CCNH: variants seen among roughly 807,000 people sequenced by gnomAD.
CCNH encodes cyclin H, also known as cyclin-H.
CCNH carries 31 observed loss-of-function variants against 41.9 expected under a neutral mutation model. The observed-to-expected ratio is 0.74, with a 90% CI of 0.56 to 1.00. The LOEUF (loss-of-function observed/expected upper bound fraction) is 1.00. Among genes scored for constraint, CCNH ranks in the 50% least tolerant of loss-of-function variants. The pLI, the probability that CCNH is intolerant of heterozygous loss-of-function variation, is 0.00. For missense variants in CCNH, 362 were observed against 388.4 expected (o/e 0.93, Z 0.57); for synonymous variants, 138 against 136.1 (o/e 1.01, Z -0.10).
intron 9 of CCNH, among the ~76,000 whole-genome samples, chr5:87,385,045 A>C (rs904413888): frequency 2.6e-5 from 4 of 152,058 alleles, no homozygotes; most frequent in African/African-American, 9.7e-5. Context: ...GAAACTGCTG[A>C]GTTTTGTAGT....
At chr5:87,345,345 T>C (rs2112410943) in intron 9 of CCNH, among the ~76,000 whole-genome samples, 1 of 152,320 alleles carries the variant, frequency 6.6e-6, no homozygotes, top group South Asian at 2.1e-4. Context: ...CTATCACTTT[T>C]TTACCCTTCT....
At chr5:87,399,956 G>C (rs1042435533) in intron 6 of CCNH, among the ~76,000 whole-genome samples, 3 of 152,194 alleles carry the variant, frequency 2.0e-5, no homozygotes, top group Admixed American at 6.5e-5. Flanking sequence ...ATGCAATAAA[G>C]GGAGGATGCT....
chr5:87,349,156 A>T lies in CCNH; in HGVS notation c.*91-30259T>A, dbSNP rs545247371. 491 of 1,578,360 alleles carry T rather than the reference A, an allele frequency of 3.1e-4. 3 individuals are homozygous for T. In the South Asian group the frequency reaches 5.1e-3, roughly 16 times the overall value. ...AATGCACTTTGTAATAATACTACTT[A>T]ACATCTTTTCTTTTTTATTTGATAA... On this transcript the variant is annotated intron_variant and NMD_transcript_variant, in intron 9 of 9. Coordinates refer to the CCNH transcript ENST00000645953.
chr5:87,316,846 T>G (rs1242856081), downstream of CCNH, among the ~76,000 whole-genome samples: 1 of 152,160 alleles, frequency 6.6e-6, no homozygotes, highest in East Asian at 1.9e-4. Flanking sequence ...AATCTGAGTT[T>G]ATGGGAAAAG....
chr5:87,330,519 A>G (rs990886050), intron 9 of CCNH, among the ~76,000 whole-genome samples: 3 of 152,190 alleles, frequency 2.0e-5, no homozygotes, highest in Admixed American at 1.3e-4. Flanking sequence ...TTTTATAGCA[A>G]TTACTTTGGA....
chr5:87,335,459 CTT>C (rs1390451382), intron 9 of CCNH, among the ~76,000 whole-genome samples: 28 of 102,830 alleles, frequency 2.7e-4, no homozygotes, highest in African/African-American at 1.0e-3. Context: ...CAGTTTCGCT[CTT>C]GTCACCCAGG....
At chr5:87,375,234 CTT>C (rs1761242271), downstream of CCNH, among the ~76,000 whole-genome samples, 1 of 151,904 alleles carries the variant, frequency 6.6e-6, no homozygotes, top group Non-Finnish European at 1.5e-5. Flanking sequence ...GCCCTCATCC[CTT>C]CTTTCTACTT....
At chr5:87,411,870 G>A (rs992315636) in intron 1 of CCNH, among the ~76,000 whole-genome samples, 2 of 152,148 alleles carry the variant, frequency 1.3e-5, no homozygotes, top group Non-Finnish European at 2.9e-5. Context: ...TGAATTAAAG[G>A]TAGAAAGTAA....
intron 9 of CCNH, among the ~76,000 whole-genome samples, chr5:87,385,578 C>A (rs960790729): frequency 6.6e-6 from 1 of 151,990 alleles, no homozygotes; most frequent in African/African-American, 2.4e-5. Flanking sequence ...CTTTAAAAAA[C>A]ACAAATTTAG....
intron 9 of CCNH, among the ~76,000 whole-genome samples, chr5:87,368,358 CATTTTA>C (rs1760681175): frequency 6.6e-6 from 1 of 151,968 alleles, no homozygotes. Flanking sequence ...TTTTCTTAAA[CATTTTA>C]ATTATAATTA....
upstream of CCNH, among the ~76,000 whole-genome samples, chr5:87,380,148 T>C (rs1761608974): frequency 6.6e-6 from 1 of 152,154 alleles, no homozygotes; most frequent in African/African-American, 2.4e-5. Flanking sequence ...ATTTAGTCTA[T>C]ACTTGATAGA....
intron 9 of CCNH, among the ~76,000 whole-genome samples, chr5:87,364,305 C>A (rs1443343877): frequency 6.6e-6 from 1 of 151,962 alleles, no homozygotes; most frequent in African/African-American, 2.4e-5. Flanking sequence ...CTTGTCATTT[C>A]TTTTTTCAGT....
chr5:87,354,542 G>T (rs191346820), intron 9 of CCNH, among the ~76,000 whole-genome samples: 1 of 152,230 alleles, frequency 6.6e-6, no homozygotes, highest in Admixed American at 6.5e-5. Flanking sequence ...TGACTGGCTG[G>T]TTCTGTTTCT....
At chr5:87,339,360 C>G (rs1264402972) in intron 9 of CCNH, among the ~76,000 whole-genome samples, 2 of 152,080 alleles carry the variant, frequency 1.3e-5, no homozygotes, top group Non-Finnish European at 2.9e-5. Context: ...GATTAGTATT[C>G]TGTATTCTAC....
At chr5:87,390,384 A>G (rs1351441560), downstream of CCNH, among the ~76,000 whole-genome samples, 3 of 152,144 alleles carry the variant, frequency 2.0e-5, no homozygotes, top group African/African-American at 4.8e-5. Flanking sequence ...TGAGTTCTCT[A>G]CAACCTGAGA....
chr5:87,412,510 T>C, intron 1 of CCNH, 168 bp downstream of exon 1: 1 of 1,435,840 alleles, frequency 7.0e-7, no homozygotes, highest in Non-Finnish European at 9.1e-7. Context: ...TTCGTCTTTG[T>C]ACCCACGGAA....
intron 7 of CCNH, among the ~76,000 whole-genome samples, chr5:87,398,925 A>G (rs1309617297): frequency 6.6e-6 from 1 of 151,780 alleles, no homozygotes; most frequent in East Asian, 1.9e-4. Flanking sequence ...GTGAGCTGAG[A>G]TCGCGCCACT....
chr5:87,389,553 C>A (rs766327338), downstream of CCNH: 2 of 1,611,218 alleles, frequency 1.2e-6, no homozygotes, highest in Admixed American at 3.3e-5. Context: ...CCTTCATTAA[C>A]AATGATGTTT....
rs554256497 is a variant in CCNH at position 87,407,205 on chromosome 5, C to G, written c.525+771G>C. 3.3e-5 allele frequency among the ~76,000 whole-genome samples: 5 copies of G among 152,266 alleles called. No individual in the cohort carries two copies. In the South Asian group the frequency reaches 8.3e-4, roughly 25 times the overall value. On this transcript the variant is annotated intron_variant, in intron 4 of 8. Transcript: ENST00000256897. ...CGTTCTCAGAATGTTTTCCTTACCC[C>G]TTAATCTGTTATCTCCCTCTAAAAT...
Sources: gnomAD v4.1 joint callset for allele counts (sites outside exome capture counted in the v4.1 genomes callset) on GRCh38, gnomAD v4.1.1 for gene constraint, MANE v1.5 for transcripts, NCBI Gene and HGNC (gene_info 2026-07-23, HGNC 2026-07-21) for gene names.